The following KPNA5 variants were observed in gnomAD, a reference collection of about 807,000 sequenced individuals.
The protein encoded by KPNA5 is importin subunit alpha-6.
In KPNA5, 46 loss-of-function variants were observed where a neutral mutation model predicts 71.3. The ratio of observed to expected loss-of-function variants is 0.65; its 90% CI spans 0.51 to 0.83. KPNA5 has a LOEUF of 0.83. KPNA5 is among the 40% of genes least tolerant of loss of function. The pLI is 0.00. For synonymous variants in KPNA5, 207 were observed against 201.4 expected, an observed-to-expected ratio of 1.03 and a Z score of -0.24; for missense variants, 547 against 628.3, an observed-to-expected ratio of 0.87 and a Z score of 1.38.
intron 9 of KPNA5, among the ~76,000 whole-genome samples, chr6:116,723,757 T>C (rs1008681403): frequency 2.6e-5 from 4 of 152,162 alleles, no homozygotes; most frequent in African/African-American, 9.7e-5. Context: ...CAAGAGATGC[T>C]AAAATCTAGT....
At chr6:116,727,408 C>T (rs539849620) in intron 12 of KPNA5, among the ~76,000 whole-genome samples, 1 of 152,034 alleles carries the variant, frequency 6.6e-6, no homozygotes, top group African/African-American at 2.4e-5. Flanking sequence ...TACAACACTA[C>T]AAAATAATGC....
At chr6:116,729,317 A>G (rs1429196508) in intron 12 of KPNA5, among the ~76,000 whole-genome samples, 2 of 151,964 alleles carry the variant, frequency 1.3e-5, no homozygotes, top group Non-Finnish European at 2.9e-5. Flanking sequence ...TGTATTTTAT[A>G]GTCTTTGCAA....
intron 1 of KPNA5, among the ~76,000 whole-genome samples, chr6:116,682,182 A>C (rs1348304820): frequency 6.6e-6 from 1 of 152,144 alleles, no homozygotes; most frequent in Non-Finnish European, 1.5e-5. Context: ...AGGAAAAATT[A>C]GCCTGGCATG....
At chr6:116,701,900 T>A in intron 5 of KPNA5, 119 bp from the exon 6 acceptor site, 2 of 775,248 alleles carry the variant, frequency 2.6e-6, no homozygotes, top group Non-Finnish European at 3.9e-6. Flanking sequence ...ACAATGAATC[T>A]TAATATAAGT....
intron 1 of KPNA5, among the ~76,000 whole-genome samples, chr6:116,685,347 C>T (rs78499464): frequency 0.015 from 2,256 of 152,218 alleles, 25 homozygotes; most frequent in Non-Finnish European, 0.024. Context: ...TAGGTAAACT[C>T]GTGTCATGGG....
At chr6:116,717,480 G>A (rs1778930274) in intron 8 of KPNA5, among the ~76,000 whole-genome samples, 1 of 152,034 alleles carries the variant, frequency 6.6e-6, no homozygotes, top group Admixed American at 6.6e-5. Context: ...CTGTGGTACC[G>A]GTGGAAGGTA....
intron 7 of KPNA5, among the ~76,000 whole-genome samples, chr6:116,715,869 C>T (rs1048461612): frequency 3.3e-5 from 5 of 151,318 alleles, no homozygotes; most frequent in East Asian, 3.9e-4. Flanking sequence ...GAGCCAAGAT[C>T]GTGCCACTGC....
In KPNA5 at chr6:116,681,613, C is replaced by T. The variant is rs890671195; in HGVS notation, c.4+275C>T. ...GATGGGCAGCTGGTCTCATCTTCGC[C>T]GCCCCGCCTCACCGTTTCTCGGTAG... On this transcript the variant is annotated intron_variant, in intron 1 of 13. Transcript: ENST00000368564. 6.4e-5 allele frequency: 67 copies of T among 1,043,492 alleles called. No individual in the cohort carries two copies. In the African/African-American group the frequency reaches 1.1e-3, roughly 17 times the overall value. 64.6% of individuals were successfully genotyped at this position (1,043,492 alleles called of 1,614,324 possible).
chr6:116,691,735 C>A (rs941136370), intron 2 of KPNA5, among the ~76,000 whole-genome samples: 1 of 152,006 alleles, frequency 6.6e-6, no homozygotes, highest in African/African-American at 2.4e-5. Context: ...CCTCATAATC[C>A]AGTGTGTAAA....
intron 1 of KPNA5, chr6:116,681,543 C>G: frequency 7.5e-7 from 1 of 1,341,422 alleles, no homozygotes; most frequent in Non-Finnish European, 9.6e-7. Flanking sequence ...CTTGCGGACG[C>G]GAAGGCGTGG....
At chr6:116,711,635 T>C (rs1042508915) in intron 7 of KPNA5, among the ~76,000 whole-genome samples, 2 of 152,136 alleles carry the variant, frequency 1.3e-5, no homozygotes, top group African/African-American at 4.8e-5. Flanking sequence ...TTTCTGTCTG[T>C]ATTTTTAGTT....
At chr6:116,710,010 C>T (rs531839178) in intron 7 of KPNA5, among the ~76,000 whole-genome samples, 8 of 152,250 alleles carry the variant, frequency 5.3e-5, no homozygotes, top group Non-Finnish European at 7.4e-5. Flanking sequence ...CCGCCCGCCT[C>T]GACCTCCCAA....
intron 2 of KPNA5, 115 bp from the exon 3 acceptor site, chr6:116,691,940 T>C: frequency 2.8e-6 from 2 of 707,906 alleles, no homozygotes; most frequent in Non-Finnish European, 4.9e-6. Context: ...TTCAGAATTT[T>C]AAGTTATAAA....
Position 116,701,945 on chromosome 6 carries a change from C to A in KPNA5, c.436-74C>A, listed in dbSNP as rs1583417019. 2.8e-6 allele frequency: 4 copies of A among 1,409,102 alleles called. No individual in the cohort carries two copies. The East Asian group carries it at 9.3e-5, about 33-fold the overall frequency. 87.3% of individuals were successfully genotyped at this position (1,409,102 alleles called of 1,614,324 possible). ...ACACTTGTCCTGGCAGGTCTTTACT[C>A]CCTCTCTTTCCTTCTTTGCCTTTCT... is the stretch of plus-strand genomic sequence containing the variant. On this transcript the variant is annotated intron_variant, in intron 5 of 13. Transcript: ENST00000368564.
chr6:116,698,705 A>G lies in KPNA5; in HGVS notation c.342A>G (p.Glu114=), dbSNP rs1259470291. The change falls in exon 5 of 14, where the codon GAA becomes GAG. Residue 114 remains glutamate, a splice_region_variant and synonymous_variant. Transcript: ENST00000368564. ...TQKFRKLLSK[E]PNPPIDQVIQ... The stretch of plus-strand genomic sequence containing the variant: ...ACTGAAGTCTTTTTAAATTTTTAGA[A>G]CCTAATCCACCAATAGATCAAGTTA... 2 of 1,566,042 alleles carry G rather than the reference A, an allele frequency of 1.3e-6. No individual in the cohort carries two copies. The highest frequency in any genetic ancestry group is 2.3e-5 in the East Asian group (1 of 43,754).
intron 4 of KPNA5, among the ~76,000 whole-genome samples, chr6:116,697,701 C>T (rs888150765): frequency 2.0e-5 from 3 of 151,906 alleles, no homozygotes; most frequent in African/African-American, 7.2e-5. Context: ...AATGAGTATG[C>T]TCTTTTTCAT....
chr6:116,732,074 TTATATATATATATATATATATATATATA>T (rs2243369), intron 13 of KPNA5, 34 bp from the exon 14 acceptor site: 1,772 of 67,716 alleles, frequency 0.026, 309 homozygotes, highest in South Asian at 0.078. Flanking sequence ...AACAGTTTGT[TTATATATATATATATATATATATATATA>T]TATATATATA....
At chr6:116,722,394 A>T (rs1010287951) in intron 9 of KPNA5, 105 bp downstream of exon 9, 6 of 975,160 alleles carry the variant, frequency 6.2e-6, no homozygotes, top group Non-Finnish European at 8.5e-6. Context: ...CTTCAGGGAA[A>T]ATTAAAAAGC....
In KPNA5 at chr6:116,722,275, G is replaced by C; in HGVS notation, c.906G>C (p.Leu302Phe). The C allele has an allele frequency of 1.2e-6, 2 of 1,606,524 alleles. No individual in the cohort carries two copies. The highest frequency in any genetic ancestry group is 2.2e-5 in the South Asian group (2 of 89,076). The change falls in exon 9 of 14, where the codon TTG (leucine) becomes TTC (phenylalanine). Residue 302 changes from leucine to phenylalanine, a missense_variant. By Grantham distance (22) the Leu-to-Phe change is conservative. Transcript: ENST00000368564. ...TTGATTCTGGAGTCTGTCGAAGATT[G>C]GTGGAACTTTTGATGTAACTATAAA... ...AVIDSGVCRR[L>F]VELLMHNDYK...
Sources: allele counts gnomAD v4.1 joint callset (sites outside exome capture counted in the v4.1 genomes callset), GRCh38; gene constraint gnomAD v4.1.1; transcripts MANE v1.5; gene names NCBI Gene and HGNC (gene_info 2026-07-23, HGNC 2026-07-21).